RANBP2: variants seen among roughly 807,000 people sequenced by gnomAD.
RANBP2 encodes E3 SUMO-protein ligase RanBP2.
RANBP2 carries 57 observed loss-of-function variants against 303.6 expected under a neutral mutation model. That is an observed-to-expected ratio of 0.19 (90% CI 0.15 to 0.23). The LOEUF is 0.23. Ranked by LOEUF, RANBP2 falls within the 10% of genes least tolerant of loss-of-function variation. The pLI, the probability that RANBP2 is intolerant of heterozygous loss-of-function variation, is 1.00. For synonymous variants in RANBP2, 1,167 were observed against 1,301.5 expected (o/e 0.90, Z 2.23); for missense variants, 3,138 against 3,780.8 (o/e 0.83, Z 4.46).
the RANBP2 span, among the ~76,000 whole-genome samples, chr2:109,256,178 G>A: frequency 3.3e-5 from 5 of 152,280 alleles, 1 homozygote; most frequent in South Asian, 1.0e-3. Flanking sequence ...CCCTCACTGA[G>A]TCCTGTCCCC....
chr2:109,062,363 G>A, the RANBP2 span, among the ~76,000 whole-genome samples: 2 of 152,142 alleles, frequency 1.3e-5, no homozygotes, highest in Non-Finnish European at 2.9e-5. Context: ...GAATGGATGT[G>A]TCTGAGGAAG....
chr2:109,408,217 C>T, the RANBP2 span, among the ~76,000 whole-genome samples: 8 of 152,196 alleles, frequency 5.3e-5, no homozygotes, highest in Non-Finnish European at 8.8e-5. Context: ...GAGACTAGCA[C>T]ACAGTCCATG....
chr2:108,813,283 C>T, the RANBP2 span, among the ~76,000 whole-genome samples: 1 of 137,366 alleles, frequency 7.3e-6, no homozygotes, highest in Admixed American at 7.4e-5. Context: ...GAAAATTTCT[C>T]CAATGGAAAG....
At chr2:109,393,540 C>G in the RANBP2 span, among the ~76,000 whole-genome samples, 1 of 152,128 alleles carries the variant, frequency 6.6e-6, no homozygotes, top group Non-Finnish European at 1.5e-5. Context: ...GTGCTCAGTC[C>G]GTTTTGTTTT....
chr2:109,235,354 C>T, the RANBP2 span, among the ~76,000 whole-genome samples: 1 of 152,158 alleles, frequency 6.6e-6, no homozygotes, highest in African/African-American at 2.4e-5. Context: ...CTAAGGGCCA[C>T]TAAAGAGACC....
At chr2:109,597,310 G>C in the RANBP2 span, among the ~76,000 whole-genome samples, 15 of 152,206 alleles carry the variant, frequency 9.9e-5, no homozygotes, top group Non-Finnish European at 2.2e-4. Flanking sequence ...CCCTCTAATG[G>C]CAAACAGAGC....
At chr2:108,931,727 T>C in the RANBP2 span, among the ~76,000 whole-genome samples, 19 of 151,784 alleles carry the variant, frequency 1.3e-4, no homozygotes, top group African/African-American at 4.4e-4. Flanking sequence ...GGGTTTTTTT[T>C]TCTTTTTTTT....
the RANBP2 span, among the ~76,000 whole-genome samples, chr2:109,340,699 C>T: frequency 2.0e-5 from 3 of 152,226 alleles, no homozygotes; most frequent in East Asian, 3.9e-4. Context: ...TTAAGAGACA[C>T]AAAGCTCTTT....
chr2:109,392,892 T>C, the RANBP2 span, among the ~76,000 whole-genome samples: 943 of 152,278 alleles, frequency 6.2e-3, 10 homozygotes, highest in African/African-American at 0.021. Context: ...GCTCTTGGAA[T>C]GTTCCACACA....
the RANBP2 span, among the ~76,000 whole-genome samples, chr2:108,799,997 A>G: frequency 6.6e-6 from 1 of 152,076 alleles, no homozygotes; most frequent in Non-Finnish European, 1.5e-5. Flanking sequence ...TTCTGTCTTT[A>G]TATTTACATC....
the RANBP2 span, among the ~76,000 whole-genome samples, chr2:109,081,757 C>T: frequency 6.6e-6 from 1 of 152,240 alleles, no homozygotes; most frequent in Non-Finnish European, 1.5e-5. Flanking sequence ...GACTTCACAA[C>T]CTGCCGCCGC....
At chr2:108,809,462 G>A in the RANBP2 span, among the ~76,000 whole-genome samples, 2 of 150,824 alleles carry the variant, frequency 1.3e-5, no homozygotes, top group Admixed American at 6.6e-5. Flanking sequence ...GTGTGTGTGT[G>A]TGTGTGTGTG....
chr2:108,839,139 A>G, the RANBP2 span: 8 of 1,536,864 alleles, frequency 5.2e-6, no homozygotes, highest in East Asian at 2.3e-5. Context: ...TAAGACATTT[A>G]AAAATACTGT....
At chr2:108,843,885 TC>T in the RANBP2 span, among the ~76,000 whole-genome samples, 2 of 116,696 alleles carry the variant, frequency 1.7e-5, no homozygotes, top group African/African-American at 2.7e-5. Context: ...TGTGTTTCTT[TC>T]TTTTTTTTTT....
the RANBP2 span, among the ~76,000 whole-genome samples, chr2:109,336,378 A>G: frequency 6.6e-6 from 1 of 152,258 alleles, no homozygotes; most frequent in East Asian, 1.9e-4. Context: ...CAGATAGAAC[A>G]GAAAATAACT....
chr2:108,867,373 AT>A, the RANBP2 span, among the ~76,000 whole-genome samples: 1 of 152,256 alleles, frequency 6.6e-6, no homozygotes, highest in Non-Finnish European at 1.5e-5. Flanking sequence ...AAGGAAAAAA[AT>A]AAAAGTCTTG....
At chr2:109,719,626 C>T in the RANBP2 span, among the ~76,000 whole-genome samples, 4 of 150,944 alleles carry the variant, frequency 2.6e-5, no homozygotes, top group Admixed American at 1.3e-4. Flanking sequence ...AGGATGGTCT[C>T]GATCTCTTGA....
chr2:109,130,114 G>A, the RANBP2 span: 1 of 1,308,014 alleles, frequency 7.6e-7, no homozygotes, highest in Non-Finnish European at 9.7e-7. Flanking sequence ...GGCGGCAAAG[G>A]TGAGTATCTG....
the RANBP2 span, among the ~76,000 whole-genome samples, chr2:109,395,390 A>G: frequency 6.6e-6 from 1 of 152,206 alleles, no homozygotes; most frequent in Non-Finnish European, 1.5e-5. Context: ...GATACAGCCT[A>G]ACCCCTCCTC....
Sources: allele counts gnomAD v4.1 joint callset (sites outside exome capture counted in the v4.1 genomes callset), GRCh38; gene constraint gnomAD v4.1.1; transcripts MANE v1.5; gene names NCBI Gene and HGNC (gene_info 2026-07-23, HGNC 2026-07-21).